BRAP: variants seen among roughly 807,000 people sequenced by gnomAD.
BRAP encodes BRCA1 associated protein.
Under a neutral mutation model 73.4 loss-of-function variants are expected in BRAP, and 42 were observed. That is an observed-to-expected ratio of 0.57 (90% CI 0.45 to 0.74). The LOEUF (loss-of-function observed/expected upper bound fraction) is 0.74, where lower values mean the gene tolerates loss of function less well. Among genes scored for constraint, BRAP ranks in the 30% least tolerant of loss-of-function variants. The pLI is 0.00. For missense variants in BRAP, 593 were observed against 751.4 expected (o/e 0.79, Z 2.46); for synonymous variants, 255 against 267.4 (o/e 0.95, Z 0.45).
Position 111,679,156 on chromosome 12 carries a change from C to A in BRAP, c.628G>T (p.Ala210Ser), listed in dbSNP as rs1887500849. The A allele has an allele frequency of 1.3e-6, 2 of 1,546,602 alleles. No individual in the cohort carries two copies. The highest frequency in any genetic ancestry group is 4.6e-5 in the East Asian group (2 of 43,844). ...ATAAATTTAATAACTTTTACCTGTG[C>A]ACGAAACTTTATCAGCACCATATAT... ...NQYMVLIKFRAQADADSFYMT... is the reference protein window; with the variant it reads ...NQYMVLIKFRSQADADSFYMT... The change falls in exon 4 of 12, where the codon GCA (alanine) becomes TCA (serine). Residue 210 changes from alanine to serine, a missense_variant. By Grantham distance (99) the Ala-to-Ser change is moderately conservative. Transcript: ENST00000419234.
intron 6 of BRAP, 117 bp from the exon 7 acceptor site, chr12:111,660,792 A>G: frequency 3.1e-6 from 2 of 642,110 alleles, no homozygotes; most frequent in South Asian, 2.7e-5. Context: ...TATTTTTATC[A>G]TAACTAAGGA....
chr12:111,648,356 G>A (rs1886190051), intron 11 of BRAP, among the ~76,000 whole-genome samples: 2 of 141,558 alleles, frequency 1.4e-5, no homozygotes, highest in African/African-American at 2.7e-5. Flanking sequence ...GCTCACGCCT[G>A]TAATCCAAGC....
In BRAP at chr12:111,683,287, C is replaced by G; in HGVS notation, c.103G>C (p.Glu35Gln). 3 of 1,611,010 alleles carry G rather than the reference C, an allele frequency of 1.9e-6. No homozygotes were observed. Among genetic ancestry groups the G allele is most frequent in the Non-Finnish European group, 1.7e-6 (2 of 1,179,216 alleles). The change falls in exon 2 of 12, where the codon GAG becomes CAG. Residue 35 changes from glutamate (E) to glutamine (Q), a missense_variant. Physicochemically the swap from Glu to Gln is conservative, Grantham distance 29. Around this residue, in one of 4 missense-constraint regions of BRAP, gnomAD observed 304 missense variants for 337.7 expected, o/e 0.90. Coordinates refer to ENST00000419234, the MANE Select transcript of BRAP (RefSeq NM_006768.5). ...GAGGCTAGTGTCGTCTTTTTTATCT[C>G]CTCATCAGACATTTCCCCGGCTAAA... Reference protein sequence around the residue: ...SAAAGEMSDEEIKKTTLASAV... With the variant: ...SAAAGEMSDEQIKKTTLASAV...
At chr12:111,661,701 T>TA (rs919397662) in intron 6 of BRAP, among the ~76,000 whole-genome samples, 70 of 143,722 alleles carry the variant, frequency 4.9e-4, no homozygotes, top group East Asian at 1.0e-3. Flanking sequence ...AAATCTGTAG[T>TA]AAAAAAAAAA....
In BRAP at chr12:111,657,155, T is replaced by C. The variant is rs538271762; in HGVS notation, c.1222-1500A>G. Among the ~76,000 whole-genome samples, 34 of 152,316 alleles carry C rather than the reference T, an allele frequency of 2.2e-4. 1 individual carries two copies. The South Asian group carries it at 6.0e-3, about 27-fold the overall frequency. On this transcript the variant is annotated intron_variant, in intron 9 of 11. Coordinates refer to ENST00000419234, the MANE Select transcript of BRAP (RefSeq NM_006768.5). The stretch of plus-strand genomic sequence containing the variant: ...GCCTCCCAGGTTCAAGCGATTCTCC[T>C]GCCTCAGCCTCCCAAGTATCTGGGA...
At chr12:111,651,020 A>G (rs1293098465) in intron 10 of BRAP, among the ~76,000 whole-genome samples, 1 of 152,002 alleles carries the variant, frequency 6.6e-6, no homozygotes, top group African/African-American at 2.4e-5. Context: ...CGAACTTGGG[A>G]ATTTCCTCAA....
intron 4 of BRAP, among the ~76,000 whole-genome samples, chr12:111,677,690 C>T (rs1448914159): frequency 2.6e-5 from 4 of 152,138 alleles, no homozygotes; most frequent in Admixed American, 6.6e-5. Flanking sequence ...GCTTAAGGCA[C>T]GATTTTCCCA....
intron 11 of BRAP, among the ~76,000 whole-genome samples, chr12:111,648,592 G>A (rs1054423272): frequency 8.5e-5 from 12 of 140,932 alleles, no homozygotes; most frequent in African/African-American, 3.2e-4. Context: ...AGCCTATTGC[G>A]CCACTGCACT....
chr12:111,646,464 T>C (rs2135890955), intron 11 of BRAP, among the ~76,000 whole-genome samples: 1 of 152,126 alleles, frequency 6.6e-6, no homozygotes, highest in East Asian at 1.9e-4. Flanking sequence ...GAAGACAACT[T>C]GGCAATATCT....
chr12:111,679,627 G>C (rs534745483), intron 3 of BRAP, among the ~76,000 whole-genome samples: 1 of 151,974 alleles, frequency 6.6e-6, no homozygotes, highest in African/African-American at 2.4e-5. Context: ...CGTAATCCCA[G>C]CACTTTGGCA....
chr12:111,685,892 C>T lies in BRAP; in HGVS notation c.-100G>A, dbSNP rs1887820790. 8.0e-6 allele frequency: 6 copies of T among 753,838 alleles called. No homozygotes were observed. The highest frequency in any genetic ancestry group is 7.4e-5 in the African/African-American group (4 of 53,784). 46.7% of individuals were successfully genotyped at this position (753,838 alleles called of 1,614,324 possible). A position where few individuals can be genotyped will look rare whatever the true frequency, so the allele number is the denominator to read the frequency against. Reference sequence around the variant, plus strand: ...CCGGGGCCGGCAGCGCCGCCACCACCTCAATGCAGTTGCCGCCGCCTCAGC... The same window carrying T: ...CCGGGGCCGGCAGCGCCGCCACCACTTCAATGCAGTTGCCGCCGCCTCAGC... On this transcript the variant is annotated 5_prime_UTR_variant, in exon 1 of 12. Coordinates refer to ENST00000419234, the MANE Select transcript of BRAP (RefSeq NM_006768.5).
chr12:111,651,367 G>A (rs1007581379), intron 10 of BRAP, among the ~76,000 whole-genome samples: 5 of 151,832 alleles, frequency 3.3e-5, no homozygotes, highest in Admixed American at 3.3e-4. Context: ...GCGAAAGCCC[G>A]TCTCTACTAA....
intron 3 of BRAP, among the ~76,000 whole-genome samples, chr12:111,679,989 C>T (rs1385048535): frequency 6.6e-6 from 1 of 150,498 alleles, no homozygotes; most frequent in African/African-American, 2.4e-5. Flanking sequence ...CGAGAGAATT[C>T]TGTCTTTTTT....
Position 111,685,705 on chromosome 12 carries a change from A to T in BRAP, c.82+6T>A. The T allele has an allele frequency of 6.2e-7, 1 of 1,601,894 alleles. No homozygotes were observed. Among genetic ancestry groups the T allele is most frequent in the Non-Finnish European group, 8.5e-7 (1 of 1,176,186 alleles). Reference sequence around the variant, plus strand: ...ACAGGGAATGCGGCGAGGCCGCGGGACTCACCCGCGGCGCTGAAGCCGAAG... The same window carrying T: ...ACAGGGAATGCGGCGAGGCCGCGGGTCTCACCCGCGGCGCTGAAGCCGAAG... On this transcript the variant is annotated splice_donor_region_variant and intron_variant, in intron 1 of 11. Coordinates refer to ENST00000419234, the MANE Select transcript of BRAP (RefSeq NM_006768.5).
intron 11 of BRAP, among the ~76,000 whole-genome samples, chr12:111,648,579 T>C (rs1886202471): frequency 7.0e-6 from 1 of 143,550 alleles, no homozygotes; most frequent in Admixed American, 7.1e-5. Context: ...TCCACTGTAC[T>C]CCAGCCTATT....
chr12:111,644,377 C>T lies in BRAP; in HGVS notation c.1601G>A (p.Arg534His), dbSNP rs767418635. The change falls in exon 12 of 12, where the codon CGT becomes CAT. Residue 534 changes from arginine to histidine, a missense_variant. Arg to His is a conservative substitution (Grantham distance 29). Coordinates refer to ENST00000419234, the MANE Select transcript of BRAP (RefSeq NM_006768.5). Reference sequence around the variant, plus strand: ...TGTCTCCAGGTAGAACATGACGTCACGCAGCTGCTCCTGGATCTCGGTGAT... The same window carrying T: ...TGTCTCCAGGTAGAACATGACGTCATGCAGCTGCTCCTGGATCTCGGTGAT... ...LQITEIQEQL[R>H]DVMFYLETQQ... is the part of the protein sequence containing the mutation. 1.4e-5 allele frequency: 22 copies of T among 1,613,792 alleles called. No individual in the cohort carries two copies. The highest frequency in any genetic ancestry group is 1.6e-5 in the Non-Finnish European group (19 of 1,179,982).
chr12:111,666,171 C>G (rs1423906163), intron 5 of BRAP, among the ~76,000 whole-genome samples: 2 of 152,166 alleles, frequency 1.3e-5, no homozygotes, highest in East Asian at 3.8e-4. Flanking sequence ...CAGCACTGTG[C>G]CAGGTACTGG....
intron 3 of BRAP, among the ~76,000 whole-genome samples, 198 bp from the exon 4 acceptor site, chr12:111,679,538 G>T (rs1887519523): frequency 6.6e-6 from 1 of 152,080 alleles, no homozygotes; most frequent in East Asian, 1.9e-4. Context: ...ATCTGCATTC[G>T]GTAAATTTGC....
chr12:111,677,817 T>C (rs537922023), intron 4 of BRAP, among the ~76,000 whole-genome samples: 8 of 152,302 alleles, frequency 5.3e-5, no homozygotes, highest in Non-Finnish European at 8.8e-5. Context: ...CAAAGGATAA[T>C]TGAAACCTTT....
Sources: allele counts gnomAD v4.1 joint callset (sites outside exome capture counted in the v4.1 genomes callset), GRCh38; gene constraint gnomAD v4.1.1; regional missense constraint gnomAD v4.1.1; transcripts MANE v1.5; gene names NCBI Gene and HGNC (gene_info 2026-07-23, HGNC 2026-07-21).